PCDH15: variants seen among roughly 807,000 people sequenced by gnomAD.
PCDH15 encodes protocadherin-15.
A neutral mutation model predicts 178.5 loss-of-function variants in PCDH15; 129 were observed. That is an observed-to-expected ratio of 0.72 (90% confidence interval 0.63 to 0.84). The LOEUF (loss-of-function observed/expected upper bound fraction) is 0.84. PCDH15 is among the 40% of genes least tolerant of loss of function. The pLI is 0.00. For synonymous variants in PCDH15, 800 were observed against 732.0 expected, an observed-to-expected ratio of 1.09 and a Z score of -1.50; for missense variants, 2,230 against 2,099.9, an observed-to-expected ratio of 1.06 and a Z score of -1.21.
At chr10:53,945,287 TATTTA>T in intron 23 of PCDH15, among the ~76,000 whole-genome samples, 1 of 152,302 alleles carries the variant, frequency 6.6e-6, no homozygotes, top group South Asian at 2.1e-4. Flanking sequence ...TTTGTATTCT[TATTTA>T]TTTTTTAATT....
intron 9 of PCDH15, among the ~76,000 whole-genome samples, chr10:54,234,144 G>T (rs1207136618): frequency 6.6e-6 from 1 of 150,700 alleles, no homozygotes; most frequent in Non-Finnish European, 1.5e-5. Context: ...GTGTGTGTGT[G>T]TGTGTGTGTG....
At chr10:54,290,956 T>C (rs571566023) in intron 8 of PCDH15, among the ~76,000 whole-genome samples, 19 of 152,340 alleles carry the variant, frequency 1.2e-4, no homozygotes, top group East Asian at 7.7e-4. Flanking sequence ...TGGGAGACTT[T>C]AACGCCTCAC....
intron 15 of PCDH15, among the ~76,000 whole-genome samples, chr10:54,117,123 G>A (rs909664346): frequency 1.5e-4 from 23 of 152,138 alleles, no homozygotes; most frequent in Non-Finnish European, 4.4e-5. Flanking sequence ...TGCTCGGTTT[G>A]TGCTACTGGC....
At chr10:54,762,825 G>T (rs1948059602) in intron 1 of PCDH15, among the ~76,000 whole-genome samples, 1 of 151,970 alleles carries the variant, frequency 6.6e-6, no homozygotes, top group African/African-American at 2.4e-5. Context: ...TTTCATAATT[G>T]CATTCATACA....
At chr10:54,885,510 C>T (rs1032485584) in intron 3 of PCDH15, among the ~76,000 whole-genome samples, 11 of 151,278 alleles carry the variant, frequency 7.3e-5, no homozygotes, top group Non-Finnish European at 1.6e-4. Flanking sequence ...TAGTAAAAAG[C>T]AAATAAAAAA....
At chr10:55,509,463 C>A (rs903127397) in intron 2 of PCDH15, among the ~76,000 whole-genome samples, 5 of 151,608 alleles carry the variant, frequency 3.3e-5, no homozygotes, top group African/African-American at 1.2e-4. Context: ...TGGGGTATAA[C>A]TCAAAAAAGA....
At chr10:53,998,493 C>T (rs912500291) in intron 20 of PCDH15, among the ~76,000 whole-genome samples, 2 of 152,062 alleles carry the variant, frequency 1.3e-5, no homozygotes, top group African/African-American at 4.8e-5. Context: ...GTAATAATCA[C>T]AGAAACCTTT....
chr10:55,020,664 A>T (rs1370469769), intron 2 of PCDH15, among the ~76,000 whole-genome samples: 2 of 152,200 alleles, frequency 1.3e-5, no homozygotes, highest in East Asian at 1.9e-4. Context: ...GGGTCACACA[A>T]ATCTGCATTC....
Position 54,023,077 on chromosome 10 carries a change from C to T in PCDH15, c.2341G>A (p.Val781Ile). 6.2e-7 allele frequency: 1 copy of T among 1,613,960 alleles called. No homozygotes were observed. The highest frequency in any genetic ancestry group is 8.5e-7 in the Non-Finnish European group (1 of 1,179,902). ...IYTAVKLNRE[V>I]RDYYELVVVA... Reference sequence around the variant, plus strand: ...ACAACAAGTTCATAGTAGTCCCTGACTTCTCTGTTAAGCTTCACTGCTGTG... The same window carrying T: ...ACAACAAGTTCATAGTAGTCCCTGATTTCTCTGTTAAGCTTCACTGCTGTG... Residue 781 changes from valine to isoleucine, a missense_variant, in exon 19 of 38, where the codon GTC becomes ATC. By Grantham distance (29) the Val-to-Ile change is conservative. Coordinates refer to ENST00000644397, the MANE Select transcript of PCDH15 (RefSeq NM_001384140.1).
intron 3 of PCDH15, among the ~76,000 whole-genome samples, chr10:54,519,699 T>C (rs1404511748): frequency 7.2e-5 from 11 of 152,128 alleles, no homozygotes; most frequent in Non-Finnish European, 5.9e-5. Context: ...CTTCACAGAA[T>C]TGGAAAAACC....
chr10:54,509,614 T>C (rs2081469150), intron 3 of PCDH15, among the ~76,000 whole-genome samples: 1 of 152,170 alleles, frequency 6.6e-6, no homozygotes, highest in Admixed American at 6.6e-5. Context: ...GTGCCATTTC[T>C]TTAACATCTG....
At chr10:55,500,219 AT>A (rs1840625406) in intron 2 of PCDH15, among the ~76,000 whole-genome samples, 1 of 151,794 alleles carries the variant, frequency 6.6e-6, no homozygotes, top group Non-Finnish European at 1.5e-5. Context: ...GATGTATGAT[AT>A]TTTAAAATTT....
intron 26 of PCDH15, among the ~76,000 whole-genome samples, chr10:53,899,115 A>G (rs978657731): frequency 3.0e-5 from 4 of 131,608 alleles, no homozygotes; most frequent in East Asian, 2.5e-4. Flanking sequence ...TAATTATAAC[A>G]TATGTTTTTA....
At chr10:54,572,132 A>G (rs879456661) in intron 2 of PCDH15, among the ~76,000 whole-genome samples, 3 of 152,142 alleles carry the variant, frequency 2.0e-5, no homozygotes, top group Non-Finnish European at 2.9e-5. Context: ...GTAGGAAGGT[A>G]TAATAAATTT....
chr10:55,214,592 C>G (rs996574971), intron 1 of PCDH15, among the ~76,000 whole-genome samples: 2 of 151,114 alleles, frequency 1.3e-5, no homozygotes, highest in Admixed American at 6.6e-5. Flanking sequence ...GTTACATTTT[C>G]CTGGCATATA....
chr10:54,578,415 G>T (rs10825363), intron 2 of PCDH15, among the ~76,000 whole-genome samples: 28,111 of 151,942 alleles, frequency 0.19, 2,658 homozygotes, highest in African/African-American at 0.21. Context: ...AATTCTTTCA[G>T]AACTATTAAC....
Position 53,825,406 on chromosome 10 carries a change from TA to T in PCDH15, c.4367+1986del, listed in dbSNP as rs11331854. Among the ~76,000 whole-genome samples, 69,429 of 151,678 alleles carry T rather than the reference TA, an allele frequency of 0.46. 22,084 individuals are homozygous for T. The highest frequency in any genetic ancestry group is 0.99 in the East Asian group (5,102 of 5,144). ...ATAAAGTCTGTTTACTATACATAGATAAAAATTCACTTCTATTAAACCTGGA... is the reference window on the plus strand; with the variant it reads ...ATAAAGTCTGTTTACTATACATAGATAAAATTCACTTCTATTAAACCTGGA... On this transcript the variant is annotated intron_variant, in intron 32 of 37. Transcript: ENST00000644397.
rs560824579 is a variant in PCDH15 at position 54,869,332 on chromosome 10, C to T, written c.-29+28118G>A. Among the ~76,000 whole-genome samples, 10 of 152,262 alleles carry T rather than the reference C, an allele frequency of 6.6e-5. No individual in the cohort carries two copies. The South Asian group carries it at 2.1e-3, about 32-fold the overall frequency. On this transcript the variant is annotated intron_variant, in intron 3 of 5. Coordinates refer to the PCDH15 transcript ENST00000458638. ...CTAGAGGCTTCAGAGTTCAGCACAGCTTTGCCAACATTATGATTTCAAACT... is the reference window on the plus strand; with the variant it reads ...CTAGAGGCTTCAGAGTTCAGCACAGTTTTGCCAACATTATGATTTCAAACT...
intron 2 of PCDH15, among the ~76,000 whole-genome samples, chr10:55,620,299 T>TG (rs1288286840): frequency 1.3e-5 from 2 of 151,540 alleles, no homozygotes; most frequent in Non-Finnish European, 2.9e-5. Flanking sequence ...TAAGCATTCT[T>TG]GAAAAACTAT....
Sources: allele counts gnomAD v4.1 joint callset (sites outside exome capture counted in the v4.1 genomes callset), GRCh38; gene constraint gnomAD v4.1.1; transcripts MANE v1.5; gene names NCBI Gene and HGNC (gene_info 2026-07-23, HGNC 2026-07-21).